VPS41: variants seen among roughly 807,000 people sequenced by gnomAD.
VPS41 encodes VPS41 subunit of HOPS complex.
VPS41 carries 85 observed loss-of-function variants against 130.9 expected under a neutral mutation model. The observed-to-expected ratio is 0.65, with a 90% CI of 0.55 to 0.78. VPS41 has a LOEUF of 0.78. Among genes scored for constraint, VPS41 ranks in the 30% least tolerant of loss-of-function variants. The pLI, the probability that VPS41 is intolerant of heterozygous loss-of-function variation, is 0.00. For synonymous variants in VPS41, 335 were observed against 332.9 expected, an observed-to-expected ratio of 1.01 and a Z score of -0.07; for missense variants, 874 against 1,018.7, an observed-to-expected ratio of 0.86 and a Z score of 1.93.
chr7:38,814,584 A>C (rs1480476453), intron 7 of VPS41, among the ~76,000 whole-genome samples: 4 of 152,134 alleles, frequency 2.6e-5, no homozygotes, highest in Admixed American at 6.5e-5. Context: ...CGGCAGGCAG[A>C]GCTTGCAGCG....
At chr7:38,882,324 C>A (rs1460708749) in intron 2 of VPS41, among the ~76,000 whole-genome samples, 2 of 152,202 alleles carry the variant, frequency 1.3e-5, no homozygotes, top group Admixed American at 6.5e-5. Context: ...TCTTTTCCTA[C>A]CTCACTGGTT....
intron 17 of VPS41, among the ~76,000 whole-genome samples, chr7:38,759,874 C>T (rs1367469856): frequency 6.6e-6 from 1 of 152,052 alleles, no homozygotes; most frequent in Non-Finnish European, 1.5e-5. Context: ...CACAACTGAC[C>T]GTGGCAGTCT....
chr7:38,861,243 C>T (rs1282698834), intron 4 of VPS41, among the ~76,000 whole-genome samples: 2 of 152,138 alleles, frequency 1.3e-5, no homozygotes, highest in East Asian at 3.9e-4. Flanking sequence ...ATCAAAAAGA[C>T]AGAAACAGAG....
intron 4 of VPS41, among the ~76,000 whole-genome samples, chr7:38,835,128 G>T (rs928008684): frequency 6.6e-6 from 1 of 151,710 alleles, no homozygotes; most frequent in African/African-American, 2.4e-5. Flanking sequence ...ATATCTTACA[G>T]GTATAAGTAC....
At chr7:38,772,412 T>C in intron 13 of VPS41, 110 bp downstream of exon 13, 1 of 721,102 alleles carries the variant, frequency 1.4e-6, no homozygotes, top group Non-Finnish European at 2.2e-6. Flanking sequence ...TATTTTTGGC[T>C]TGGGAAACTC....
chr7:38,727,707 G>A (rs1795576202), intron 27 of VPS41, among the ~76,000 whole-genome samples: 1 of 152,128 alleles, frequency 6.6e-6, no homozygotes, highest in South Asian at 2.1e-4. Flanking sequence ...ACTTCTCATG[G>A]ACTGCCCCAT....
intron 1 of VPS41, among the ~76,000 whole-genome samples, chr7:38,900,545 A>G (rs1787119183): frequency 6.6e-6 from 1 of 152,214 alleles, no homozygotes; most frequent in Non-Finnish European, 1.5e-5. Flanking sequence ...GTAAATTAAA[A>G]AAGAAAAAAC....
At chr7:38,770,162 G>A (rs990606225) in intron 14 of VPS41, among the ~76,000 whole-genome samples, 1 of 151,926 alleles carries the variant, frequency 6.6e-6, no homozygotes, top group African/African-American at 2.4e-5. Flanking sequence ...CCAGCTACTC[G>A]GGAGGCTGAG....
At chr7:38,808,153 G>A (rs547703011) in intron 7 of VPS41, among the ~76,000 whole-genome samples, 1 of 152,124 alleles carries the variant, frequency 6.6e-6, no homozygotes, top group Non-Finnish European at 1.5e-5. Context: ...CCTGACCGCT[G>A]TAGATACCAT....
At chr7:38,739,274 T>A (rs1795834591) in intron 25 of VPS41, among the ~76,000 whole-genome samples, 1 of 152,186 alleles carries the variant, frequency 6.6e-6, no homozygotes, top group South Asian at 2.1e-4. Context: ...CACTTCCAGA[T>A]TCCTGGAAAT....
intron 5 of VPS41, among the ~76,000 whole-genome samples, chr7:38,821,809 T>C (rs143406518): frequency 9.6e-4 from 146 of 152,106 alleles, no homozygotes; most frequent in Non-Finnish European, 1.6e-3. Context: ...ATTCCATGGA[T>C]AGAGTTCCCT....
chr7:38,809,432 A>G (rs1784900284), intron 7 of VPS41, among the ~76,000 whole-genome samples: 1 of 150,796 alleles, frequency 6.6e-6, no homozygotes, highest in South Asian at 2.1e-4. Flanking sequence ...TGTTGATAAC[A>G]TGGGCAAAAG....
chr7:38,876,107 T>C (rs1370795851), intron 2 of VPS41, among the ~76,000 whole-genome samples: 1 of 152,134 alleles, frequency 6.6e-6, no homozygotes, highest in Non-Finnish European at 1.5e-5. Flanking sequence ...GGGGGAAAGG[T>C]GCTACTGACA....
intron 4 of VPS41, among the ~76,000 whole-genome samples, chr7:38,862,259 G>C (rs1213887925): frequency 6.6e-6 from 1 of 152,142 alleles, no homozygotes; most frequent in Admixed American, 6.6e-5. Context: ...CTATAATTAA[G>C]TAAAGAATTT....
chr7:38,897,644 CAAAAA>C (rs11355680), intron 2 of VPS41, among the ~76,000 whole-genome samples: 4 of 97,772 alleles, frequency 4.1e-5, no homozygotes, highest in Non-Finnish European at 6.5e-5. Context: ...GACTCCGTCT[CAAAAA>C]AAAAAAAAAA....
At chr7:38,805,658 T>C (rs1784826902) in intron 7 of VPS41, among the ~76,000 whole-genome samples, 1 of 151,922 alleles carries the variant, frequency 6.6e-6, no homozygotes, top group South Asian at 2.1e-4. Context: ...TTTCTTACCA[T>C]CTCTATGAAA....
rs1328408930 is a variant in VPS41 at position 38,872,330 on chromosome 7, C to T, written c.61-3077G>A. ...GAAGCCCCATCCATGTTTCATATGGCCTCAGATGGAACACTGTCATTTCTA... is the reference window on the plus strand; with the variant it reads ...GAAGCCCCATCCATGTTTCATATGGTCTCAGATGGAACACTGTCATTTCTA... On this transcript the variant is annotated intron_variant, in intron 2 of 28. Coordinates refer to ENST00000310301, the MANE Select transcript of VPS41 (RefSeq NM_014396.4). Among the ~76,000 whole-genome samples, 5 of 152,202 alleles carry T rather than the reference C, an allele frequency of 3.3e-5. No homozygotes were observed. In the East Asian group the frequency reaches 9.6e-4, roughly 29 times the overall value.
intron 2 of VPS41, among the ~76,000 whole-genome samples, chr7:38,896,789 T>G (rs1182136528): frequency 6.6e-6 from 1 of 152,228 alleles, no homozygotes; most frequent in African/African-American, 2.4e-5. Flanking sequence ...TCAGTGTGTA[T>G]TTCTAGCAGG....
At chr7:38,820,820 A>T (rs1253374559) in intron 6 of VPS41, among the ~76,000 whole-genome samples, 2 of 152,226 alleles carry the variant, frequency 1.3e-5, no homozygotes, top group African/African-American at 4.8e-5. Flanking sequence ...CAAGTTAAAC[A>T]TCACTCCACC....
Sources: allele counts gnomAD v4.1 joint callset (sites outside exome capture counted in the v4.1 genomes callset), GRCh38; gene constraint gnomAD v4.1.1; transcripts MANE v1.5; gene names NCBI Gene and HGNC (gene_info 2026-07-23, HGNC 2026-07-21).